Variants in TOGARAM2 observed in about 807,000 individuals in gnomAD.
TOGARAM2 encodes TOG array regulator of axonemal microtubules 2.
In TOGARAM2, 85 loss-of-function variants were observed where a neutral mutation model predicts 93.3. That is an observed-to-expected ratio of 0.91 (90% CI 0.76 to 1.09). The LOEUF is 1.09. TOGARAM2 is among the 50% of genes least tolerant of loss of function. TOGARAM2 has a pLI of 0.00. For missense variants in TOGARAM2, 1,277 were observed against 1,334.5 expected (o/e 0.96, Z 0.67); for synonymous variants, 593 against 552.8 (o/e 1.07, Z -1.02).
At chr2:29,042,716 C>T (rs962255930) in intron 18 of TOGARAM2, among the ~76,000 whole-genome samples, 24 of 152,220 alleles carry the variant, frequency 1.6e-4, no homozygotes, top group Non-Finnish European at 2.9e-4. Context: ...TCCCTCTGGG[C>T]ACAAGCCGTT....
At chr2:28,983,897 A>G in intron 1 of TOGARAM2, among the ~76,000 whole-genome samples, 1 of 151,980 alleles carries the variant, frequency 6.6e-6, no homozygotes, top group East Asian at 1.9e-4. Flanking sequence ...CTTGATTACC[A>G]GGGGGTTGAG....
At chr2:29,013,747 C>T (rs937410733) in intron 7 of TOGARAM2, among the ~76,000 whole-genome samples, 2 of 152,222 alleles carry the variant, frequency 1.3e-5, no homozygotes, top group Admixed American at 1.3e-4. Context: ...GGTGCCCACC[C>T]ACACTGAGGA....
rs1036044790 is a variant in TOGARAM2, at chr2:29,052,026, C to A, written c.2993C>A (p.Ala998Asp). 6.2e-7 allele frequency: 1 copy of A among 1,609,146 alleles called. No individual in the cohort carries two copies. Among genetic ancestry groups the A allele is most frequent in the Non-Finnish European group, 8.5e-7 (1 of 1,177,932 alleles). ...GAGTCCTTGGGAGGCAGCCGCAAGG[C>A]CACTGACAGAGGGGTGGCCCCTGAC... The part of the protein sequence containing the change: ...DSESLGGSRK[A>D]TDRGVAPDSK... The change falls in exon 20 of 20, where the codon GCC (alanine) becomes GAC (aspartate). Residue 998 changes from alanine to aspartate, a missense_variant. Ala to Asp is a moderately radical substitution (Grantham distance 126, BLOSUM62 -2). Transcript: ENST00000379558.
chr2:29,007,488 G>C (rs959531019), intron 6 of TOGARAM2, among the ~76,000 whole-genome samples: 1 of 152,082 alleles, frequency 6.6e-6, no homozygotes, highest in Non-Finnish European at 1.5e-5. Context: ...AGCCATGAAA[G>C]CTCCACCCCT....
At chr2:28,992,258 G>A (rs557324991) in intron 1 of TOGARAM2, among the ~76,000 whole-genome samples, 7 of 152,216 alleles carry the variant, frequency 4.6e-5, no homozygotes, top group South Asian at 2.1e-4. Flanking sequence ...CTCTCACTGC[G>A]CTCACGTTAG....
chr2:28,996,309 C>T (rs1045761461), intron 2 of TOGARAM2, among the ~76,000 whole-genome samples: 11 of 152,088 alleles, frequency 7.2e-5, no homozygotes, highest in Admixed American at 2.0e-4. Context: ...GAGCTATAGT[C>T]ACCCTACTAT....
At chr2:28,972,191 C>G (rs1191097740) in intron 1 of TOGARAM2, among the ~76,000 whole-genome samples, 1 of 152,158 alleles carries the variant, frequency 6.6e-6, no homozygotes, top group Admixed American at 6.5e-5. Context: ...TGGGCTCAAG[C>G]GATTCTCCTG....
At chr2:28,963,702 T>C (rs1227182232) in intron 1 of TOGARAM2, among the ~76,000 whole-genome samples, 1 of 152,190 alleles carries the variant, frequency 6.6e-6, no homozygotes, top group Non-Finnish European at 1.5e-5. Flanking sequence ...AGGTTTCTTA[T>C]GTACTTGAAA....
chr2:29,023,941 G>T (rs562632219), intron 12 of TOGARAM2, among the ~76,000 whole-genome samples, 198 bp from the exon 13 acceptor site: 2 of 151,980 alleles, frequency 1.3e-5, no homozygotes, highest in South Asian at 2.1e-4. Context: ...ATAATGATGG[G>T]ATTAATAATT....
intron 2 of TOGARAM2, among the ~76,000 whole-genome samples, chr2:28,996,252 G>A (rs1457451784): frequency 2.6e-5 from 4 of 152,072 alleles, no homozygotes; most frequent in Non-Finnish European, 4.4e-5. Context: ...CTTGATGTTG[G>A]GAACATTCCA....
chr2:29,004,730 G>T (rs1434506561), intron 6 of TOGARAM2, among the ~76,000 whole-genome samples: 1 of 121,834 alleles, frequency 8.2e-6, no homozygotes, highest in Non-Finnish European at 1.7e-5. Context: ...GTATATGTGT[G>T]AGTGCATGCA....
chr2:29,001,063 C>T (rs1198091907), intron 4 of TOGARAM2, among the ~76,000 whole-genome samples: 2 of 152,148 alleles, frequency 1.3e-5, no homozygotes, highest in African/African-American at 2.4e-5. Context: ...CATGGAGGGC[C>T]GGGGATCTCT....
intron 6 of TOGARAM2, among the ~76,000 whole-genome samples, chr2:29,009,824 G>A (rs1055865604): frequency 2.0e-5 from 3 of 151,938 alleles, no homozygotes; most frequent in African/African-American, 7.3e-5. Context: ...GAGCGGTGGT[G>A]GGTTTTCTGT....
At chr2:28,999,006 C>T (rs1271050679) in intron 3 of TOGARAM2, among the ~76,000 whole-genome samples, 175 bp from the exon 4 acceptor site, 3 of 152,146 alleles carry the variant, frequency 2.0e-5, no homozygotes, top group Non-Finnish European at 4.4e-5. Flanking sequence ...TTAGGTGCTT[C>T]AGAGACACTG....
chr2:29,019,871 GTCC>G (rs992301832), intron 10 of TOGARAM2, among the ~76,000 whole-genome samples: 109 of 152,300 alleles, frequency 7.2e-4, no homozygotes, highest in African/African-American at 2.6e-3. Context: ...AAACCTGCTT[GTCC>G]TCCTGATTCT....
intron 13 of TOGARAM2, among the ~76,000 whole-genome samples, chr2:29,024,644 C>G (rs61561287): frequency 0.14 from 21,642 of 152,172 alleles, 2,334 homozygotes; most frequent in African/African-American, 0.3. Context: ...GCCGGGCATC[C>G]GGCTTCTCTC....
Position 29,003,686 on chromosome 2 carries a change from A to G in TOGARAM2, c.830+4A>G. On this transcript the variant is annotated splice_donor_region_variant and intron_variant, in intron 6 of 19. Coordinates refer to ENST00000379558, the MANE Select transcript of TOGARAM2 (RefSeq NM_199280.4). ...GCCTGAGGGCCCCACGCACGCGGTA[A>G]GAGCTCCAAGTCAAACCTTCCTTGC... is the stretch of plus-strand genomic sequence containing the variant. The G allele has an allele frequency of 6.6e-7, 1 of 1,518,090 alleles. No individual in the cohort carries two copies. Among genetic ancestry groups the G allele is most frequent in the Non-Finnish European group, 8.8e-7 (1 of 1,132,604 alleles). 94.0% of individuals were successfully genotyped at this position (1,518,090 alleles called of 1,614,324 possible).
chr2:29,014,953 T>A (rs1481320023), intron 8 of TOGARAM2, among the ~76,000 whole-genome samples: 19 of 152,048 alleles, frequency 1.2e-4, no homozygotes, highest in Non-Finnish European at 2.2e-4. Flanking sequence ...AGATAGCAAA[T>A]GAGAGGCAGC....
At chr2:29,006,301 G>A (rs1298805748) in intron 6 of TOGARAM2, among the ~76,000 whole-genome samples, 4 of 149,694 alleles carry the variant, frequency 2.7e-5, no homozygotes, top group African/African-American at 9.9e-5. Context: ...GCATGTGTGT[G>A]TGTGAGTGCC....
Sources: gnomAD v4.1 joint callset for allele counts (sites outside exome capture counted in the v4.1 genomes callset) on GRCh38, gnomAD v4.1.1 for gene constraint, MANE v1.5 for transcripts, NCBI Gene and HGNC (gene_info 2026-07-23, HGNC 2026-07-21) for gene names.